The following PUS7 variants were observed in gnomAD, a reference collection of about 807,000 sequenced individuals.
PUS7 encodes the protein pseudouridylate synthase 7 homolog.
In PUS7, 48 loss-of-function variants were observed where a neutral mutation model predicts 79.8. The observed-to-expected ratio is 0.60, with a 90% CI of 0.48 to 0.76. The LOEUF is 0.76. Ranked by LOEUF, PUS7 falls within the 30% of genes least tolerant of loss-of-function variation. The probability of loss-of-function intolerance (pLI) is 0.00; values close to 1 mark genes in which losing one functional copy is unlikely to be tolerated. For missense variants in PUS7, 729 were observed against 797.6 expected, an observed-to-expected ratio of 0.91 and a Z score of 1.04; for synonymous variants, 286 against 272.2, an observed-to-expected ratio of 1.05 and a Z score of -0.50.
At chr7:105,467,753 G>T (rs1823716197) in intron 12 of PUS7, among the ~76,000 whole-genome samples, 1 of 151,644 alleles carries the variant, frequency 6.6e-6, no homozygotes, top group African/African-American at 2.4e-5. Context: ...CTCAGGCCGG[G>T]CACAGTGGCT....
chr7:105,499,249 T>C (rs927832202), intron 5 of PUS7, among the ~76,000 whole-genome samples: 23 of 152,186 alleles, frequency 1.5e-4, no homozygotes, highest in Non-Finnish European at 3.1e-4. Flanking sequence ...TGGTAGTCCA[T>C]TGATCACTCT....
intron 9 of PUS7, among the ~76,000 whole-genome samples, chr7:105,477,637 G>A (rs1824166829): frequency 6.6e-6 from 1 of 151,870 alleles, no homozygotes; most frequent in South Asian, 2.1e-4. Context: ...ACAATTCAAT[G>A]GCTTTTAGTA....
intron 7 of PUS7, among the ~76,000 whole-genome samples, chr7:105,484,541 G>A (rs1207502249): frequency 1.3e-5 from 2 of 151,692 alleles, no homozygotes; most frequent in Non-Finnish European, 2.9e-5. Context: ...CTCTGGGACC[G>A]GGCGCGGTGC....
intron 5 of PUS7, among the ~76,000 whole-genome samples, chr7:105,496,192 CACACAT>C (rs1183574666): frequency 3.4e-3 from 84 of 24,692 alleles, no homozygotes; most frequent in African/African-American, 4.1e-3. Context: ...TCTACACACA[CACACAT>C]ATATATATAT....
At chr7:105,499,015 G>A (rs921052795) in intron 5 of PUS7, among the ~76,000 whole-genome samples, 5 of 152,002 alleles carry the variant, frequency 3.3e-5, no homozygotes, top group East Asian at 1.9e-4. Flanking sequence ...AATTATGTTC[G>A]CTTCTTCTCC....
chr7:105,469,437 C>T (rs1352991319), intron 11 of PUS7, among the ~76,000 whole-genome samples: 2 of 151,732 alleles, frequency 1.3e-5, no homozygotes, highest in South Asian at 4.2e-4. Context: ...GCTATAGGTG[C>T]GCACCACCAT....
intron 12 of PUS7, among the ~76,000 whole-genome samples, chr7:105,466,419 G>A (rs886254167): frequency 2.0e-5 from 3 of 151,692 alleles, no homozygotes; most frequent in African/African-American, 2.4e-5. Flanking sequence ...TACTACGCCT[G>A]GTTAGTTTTT....
At chr7:105,486,388 A>G (rs536634840) in intron 7 of PUS7, among the ~76,000 whole-genome samples, 9 of 152,228 alleles carry the variant, frequency 5.9e-5, no homozygotes, top group East Asian at 5.8e-4. Flanking sequence ...CTTATCTTAT[A>G]TAACTTTTTC....
At chr7:105,475,812 G>T (rs1216877799) in intron 9 of PUS7, among the ~76,000 whole-genome samples, 1 of 151,962 alleles carries the variant, frequency 6.6e-6, no homozygotes, top group Non-Finnish European at 1.5e-5. Flanking sequence ...ATCTTCCCCA[G>T]CTGAAACTCT....
At chr7:105,496,218 T>TAGAGAGAGAGAGAGAGAGAGAG (rs1309951962) in intron 5 of PUS7, among the ~76,000 whole-genome samples, 2 of 81,840 alleles carry the variant, frequency 2.4e-5, no homozygotes, top group Admixed American at 3.2e-4. Flanking sequence ...TATATATATA[T>TAGAGAGAGAGAGAGAGAGAGAG]ATATATATAG....
In PUS7 at chr7:105,470,720, C is replaced by T; in HGVS notation, c.1366G>A (p.Gly456Arg). Residue 456 changes from glycine to arginine, a missense_variant, in exon 11 of 16, where the codon GGA (glycine) becomes AGA (arginine). Physicochemically the swap from Gly to Arg is moderately radical, Grantham distance 125. Coordinates refer to ENST00000469408, the MANE Select transcript of PUS7 (RefSeq NM_019042.5). ...AATGCAGAGACTATATTCTTCATTC[C>T]ATATTTTGAAAGTCCTCGAAGCAGC... ...GQLLRGLSKY[G>R]MKNIVSAFGI... 6.2e-7 allele frequency: 1 copy of T among 1,608,588 alleles called. No homozygotes were observed. Among genetic ancestry groups the T allele is most frequent in the Non-Finnish European group, 8.5e-7 (1 of 1,175,998 alleles).
intron 7 of PUS7, among the ~76,000 whole-genome samples, chr7:105,483,973 C>T (rs1382083812): frequency 1.3e-5 from 2 of 152,212 alleles, no homozygotes; most frequent in Non-Finnish European, 2.9e-5. Context: ...CTGATTGTTT[C>T]CTCATGCTGA....
chr7:105,516,355 G>T (rs1825893419), intron 1 of PUS7, among the ~76,000 whole-genome samples: 1 of 152,104 alleles, frequency 6.6e-6, no homozygotes, highest in African/African-American at 2.4e-5. Context: ...TTTACTAGAA[G>T]AACTGTTCAG....
intron 7 of PUS7, among the ~76,000 whole-genome samples, chr7:105,483,766 G>A (rs1586129120): frequency 6.6e-6 from 1 of 152,304 alleles, no homozygotes; most frequent in South Asian, 2.1e-4. Flanking sequence ...AAAGTGTTGG[G>A]ATTACAGCCA....
intron 10 of PUS7, among the ~76,000 whole-genome samples, chr7:105,471,488 G>A (rs1217262254): frequency 2.6e-5 from 4 of 152,184 alleles, no homozygotes; most frequent in African/African-American, 9.7e-5. Flanking sequence ...TTTATATTGA[G>A]TTATGAATTA....
At chr7:105,473,024 G>C (rs1257898813) in intron 9 of PUS7, among the ~76,000 whole-genome samples, 2 of 150,842 alleles carry the variant, frequency 1.3e-5, no homozygotes, top group Non-Finnish European at 2.9e-5. Context: ...GTCTCCCAAA[G>C]TGCTGGGATT....
chr7:105,495,074 T>C, intron 6 of PUS7, 68 bp downstream of exon 6: 1 of 857,218 alleles, frequency 1.2e-6, no homozygotes. Flanking sequence ...CTTTTTCCAT[T>C]AGCATGGAAA....
Position 105,501,977 on chromosome 7 carries a change from T to A in PUS7, c.730+443A>T, listed in dbSNP as rs972507068. On this transcript the variant is annotated intron_variant, in intron 5 of 15. Transcript: ENST00000469408. Reference sequence around the variant, plus strand: ...CTCAAAAAAAAAAAAAAAATATATATATATATATATATATAGGGGCCTTGC... The same window carrying A: ...CTCAAAAAAAAAAAAAAAATATATAAATATATATATATATAGGGGCCTTGC... Among the ~76,000 whole-genome samples, 433 of 145,202 alleles carry A rather than the reference T, an allele frequency of 3.0e-3. 3 individuals are homozygous for A. Among genetic ancestry groups the A allele is most frequent in the African/African-American group, 0.01 (411 of 39,332 alleles).
Position 105,472,095 on chromosome 7 carries a change from A to G in PUS7, c.1237+37T>C, listed in dbSNP as rs374986656. 7.0e-6 allele frequency: 9 copies of G among 1,291,940 alleles called. No homozygotes were observed. The African/African-American group carries it at 7.3e-5, about 10-fold the overall frequency. 80.0% of individuals were successfully genotyped at this position (1,291,940 alleles called of 1,614,324 possible). ...CAATTTCATGAATACCTAGCCATAC[A>G]TTCTATTTATTTTCTTAACATGAAT... On this transcript the variant is annotated intron_variant, in intron 10 of 15. Transcript: ENST00000469408.
Sources: allele counts gnomAD v4.1 joint callset (sites outside exome capture counted in the v4.1 genomes callset), GRCh38; gene constraint gnomAD v4.1.1; transcripts MANE v1.5; gene names NCBI Gene and HGNC (gene_info 2026-07-23, HGNC 2026-07-21).